RPL3: variants seen among roughly 807,000 people sequenced by gnomAD.
RPL3 encodes the protein large ribosomal subunit protein uL3.
A neutral mutation model predicts 46.0 loss-of-function variants in RPL3; 3 were observed. That is an observed-to-expected ratio of 0.07 (90% CI 0.03 to 0.17). RPL3 has a LOEUF of 0.17. RPL3 is among the 10% of genes least tolerant of loss of function. The pLI is 1.00. For missense variants in RPL3, 387 were observed against 532.7 expected (o/e 0.73, Z 2.69); for synonymous variants, 224 against 190.8 (o/e 1.17, Z -1.43).
chr22:39,314,276 G>A (rs1383606751), intron 6 of RPL3, 68 bp from the exon 7 acceptor site: 1 of 1,344,808 alleles, frequency 7.4e-7, no homozygotes, highest in East Asian at 2.3e-5. Flanking sequence ...CCAGTGTGCT[G>A]ACCTGCAAAG....
chr22:39,315,238 A>G (rs1922609143), intron 5 of RPL3, 131 bp downstream of exon 5: 1 of 1,279,470 alleles, frequency 7.8e-7, no homozygotes, highest in African/African-American at 1.5e-5. Flanking sequence ...AAGGCAGTAG[A>G]GAATGGTTCT....
intron 2 of RPL3, chr22:39,318,035 A>T: frequency 2.9e-6 from 1 of 349,692 alleles, no homozygotes. Flanking sequence ...ACACACAGGT[A>T]AGTGGCCATT....
At position 39,319,591 on chromosome 22, in the gene RPL3, A is replaced by G. The variant is rs776137188; in HGVS notation, c.3+4T>C. ...AATGAAACGGCCGCCATTACAACAC[A>G]TACCATCACGCCATCAAATCCCGCC... On this transcript the variant is annotated splice_donor_region_variant and intron_variant, in intron 1 of 9. Coordinates refer to ENST00000216146, the MANE Select transcript of RPL3 (RefSeq NM_000967.4). 6.4e-6 allele frequency: 10 copies of G among 1,563,000 alleles called. No homozygotes were observed. In the East Asian group the frequency reaches 1.9e-4, roughly 30 times the overall value.
At position 39,318,427 on chromosome 22, in the gene RPL3, C is replaced by T. The variant is rs927094974; in HGVS notation, c.169G>A (p.Val57Met). Residue 57 changes from valine to methionine, a missense_variant, in exon 2 of 10, where the codon GTG becomes ATG. By Grantham distance (21) the Val-to-Met change is conservative. Transcript: ENST00000216146. ...LGYKAGMTHI[V>M]REVDRPGSKV... ...GATCCCGGCCTGTCGACTTCCCGCA[C>T]GATGTGAGTCATGCCAGCCTTGTAT... is the stretch of plus-strand genomic sequence containing the variant. 6.2e-7 allele frequency: 1 copy of T among 1,613,886 alleles called. No homozygotes were observed. The highest frequency in any genetic ancestry group is 8.5e-7 in the Non-Finnish European group (1 of 1,179,960).
Position 39,317,643 on chromosome 22 carries a change from G to A in RPL3, c.197-14C>T. ...TCTTGTTCACCTCTGCAAAAAAAAA[G>A]CAGTAGTCAGACTTGGCAGGAGCCC... On this transcript the variant is annotated splice_polypyrimidine_tract_variant and intron_variant, in intron 2 of 9. Transcript: ENST00000216146. The A allele has an allele frequency of 5.0e-6, 8 of 1,610,688 alleles. No individual in the cohort carries two copies. Among genetic ancestry groups the A allele is most frequent in the African/African-American group, 1.3e-5 (1 of 74,916 alleles).
rs774765796 is a variant in RPL3 at position 39,317,487 on chromosome 22, T to G, written c.339A>C (p.Glu113Asp). ...KTVFAEHISD[E>D]CKRRFYKNWH... ...AATTCTTATAGAAACGCCTCTTGCA[T>G]TCATCACTGATGTGCTCAGCAAAGA... The change falls in exon 3 of 10, where the codon GAA (glutamate) becomes GAC (aspartate). Residue 113 changes from glutamate (E) to aspartate (D), a missense_variant. Physicochemically the swap from Glu to Asp is conservative, Grantham distance 45. This residue lies in a region of RPL3 where 196 missense variants were observed against 217.5 expected (regional missense o/e 0.90). Coordinates refer to ENST00000216146, the MANE Select transcript of RPL3 (RefSeq NM_000967.4). 1 of 1,613,972 alleles carries G rather than the reference T, an allele frequency of 6.2e-7. No individual in the cohort carries two copies. The highest frequency in any genetic ancestry group is 8.5e-7 in the Non-Finnish European group (1 of 1,179,846).
chr22:39,313,420 C>T, intron 8 of RPL3, 110 bp from the exon 9 acceptor site: 2 of 1,522,014 alleles, frequency 1.3e-6, no homozygotes, highest in Non-Finnish European at 1.8e-6. Flanking sequence ...TCAGCCTCCC[C>T]CACCATCCGG....
intron 5 of RPL3, chr22:39,315,164 A>T (rs1178962733): frequency 2.3e-6 from 2 of 852,068 alleles, no homozygotes; most frequent in Non-Finnish European, 4.0e-6. Context: ...GAACGTGTTA[A>T]GAAGTTGTCC....
chr22:39,313,810 G>A (rs1217767818), intron 7 of RPL3, 81 bp from the exon 8 acceptor site: 7 of 1,264,068 alleles, frequency 5.5e-6, no homozygotes, highest in South Asian at 1.2e-5. Flanking sequence ...GGCCCTCCCT[G>A]ACCACAGGGC....
At chr22:39,317,685 G>A in intron 2 of RPL3, 56 bp from the exon 3 acceptor site, 8 of 1,589,624 alleles carry the variant, frequency 5.0e-6, no homozygotes, top group East Asian at 2.3e-5. Flanking sequence ...GGGGTGTAAT[G>A]TTTTCTAGGA....
At chr22:39,315,118 C>G in intron 5 of RPL3, 1 of 770,432 alleles carries the variant, frequency 1.3e-6, no homozygotes, top group Non-Finnish European at 2.3e-6. Flanking sequence ...CTCCCCTTTG[C>G]AGTTATCAGT....
In RPL3 at chr22:39,315,357, C is replaced by A. The variant is rs370173039; in HGVS notation, c.688+12G>T. ...AGGTTTGCACAGCAACTCAAGCCAC[C>A]GCAAAGCTCACCTTTGTAGCCTTTG... On this transcript the variant is annotated intron_variant, in intron 5 of 9. Transcript: ENST00000216146. 1 of 1,614,064 alleles carries A rather than the reference C, an allele frequency of 6.2e-7. No individual in the cohort carries two copies. The highest frequency in any genetic ancestry group is 8.5e-7 in the Non-Finnish European group (1 of 1,180,032).
At chr22:39,317,702 A>G (rs1033854398) in intron 2 of RPL3, 73 bp from the exon 3 acceptor site, 20 of 1,570,246 alleles carry the variant, frequency 1.3e-5, no homozygotes, top group Non-Finnish European at 1.5e-5. Context: ...AGGAAAATGC[A>G]AAGTGCCCAT....
In RPL3 at chr22:39,317,522, A is replaced by G. The variant is rs762747907; in HGVS notation, c.304T>C (p.Phe102Leu). 2.5e-6 allele frequency: 4 copies of G among 1,613,884 alleles called. No individual in the cohort carries two copies. Among genetic ancestry groups the G allele is most frequent in the Non-Finnish European group, 3.4e-6 (4 of 1,179,880 alleles). ...YVETPRGLRT[F>L]KTVFAEHISD... ...ATGTGCTCAGCAAAGACAGTCTTGA[A>G]GGTCCGGAGGCCTCGAGGGGTTTCC... is the stretch of plus-strand genomic sequence containing the variant. Residue 102 changes from phenylalanine (F) to leucine (L), a missense_variant, in exon 3 of 10, where the codon TTC becomes CTC. Physicochemically the swap from Phe to Leu is conservative, Grantham distance 22 (BLOSUM62 0). Transcript: ENST00000216146.
chr22:39,313,570 C>A lies in RPL3; in HGVS notation c.1047+64G>T. 3 of 1,493,710 alleles carry A rather than the reference C, an allele frequency of 2.0e-6. No individual in the cohort carries two copies. The South Asian group carries it at 3.5e-5, about 17-fold the overall frequency. 92.5% of individuals were successfully genotyped at this position (1,493,710 alleles called of 1,614,324 possible). On this transcript the variant is annotated intron_variant, in intron 8 of 9. Coordinates refer to ENST00000216146, the MANE Select transcript of RPL3 (RefSeq NM_000967.4). Reference sequence around the variant, plus strand: ...TCCTCTCCCACCACAGGGCCACCAGCGTCTGTGGCCTTGGATCCTCCCTCT... The same window carrying A: ...TCCTCTCCCACCACAGGGCCACCAGAGTCTGTGGCCTTGGATCCTCCCTCT...
Position 39,315,617 on chromosome 22 carries a change from T to A in RPL3, c.502-62A>T. On this transcript the variant is annotated intron_variant, in intron 4 of 9. Coordinates refer to ENST00000216146, the MANE Select transcript of RPL3 (RefSeq NM_000967.4). ...AGCGCTCCTCCCACAGCAGAGGAAC[T>A]GCAGCTCCATGCGGCCTGATTGATG... The A allele has an allele frequency of 5.7e-6, 9 of 1,581,350 alleles. No homozygotes were observed. The South Asian group carries it at 8.9e-5, about 16-fold the overall frequency.
intron 1 of RPL3, 158 bp from the exon 2 acceptor site, chr22:39,318,750 A>C: frequency 1.6e-6 from 1 of 638,932 alleles, no homozygotes; most frequent in South Asian, 2.0e-5. Flanking sequence ...CCAGGCTCGC[A>C]CGTGTCAAGA....
rs150700689 is a variant in RPL3, at chr22:39,318,435, G to C, written c.161C>G (p.Thr54Ser). 65 of 1,613,938 alleles carry C rather than the reference G, an allele frequency of 4.0e-5. No individual in the cohort carries two copies. Among genetic ancestry groups the C allele is most frequent in the Non-Finnish European group, 5.0e-5 (59 of 1,179,992 alleles). Residue 54 changes from threonine to serine, a missense_variant, in exon 2 of 10, where the codon ACT becomes AGT. Coordinates refer to ENST00000216146, the MANE Select transcript of RPL3 (RefSeq NM_000967.4). The stretch of plus-strand genomic sequence containing the variant: ...CCTGTCGACTTCCCGCACGATGTGA[G>C]TCATGCCAGCCTTGTATCCCAGGAA... The part of the protein sequence containing the change: ...TAFLGYKAGM[T>S]HIVREVDRPG...
chr22:39,319,065 C>A (rs776155652), intron 1 of RPL3: 1 of 537,598 alleles, frequency 1.9e-6, no homozygotes, highest in Non-Finnish European at 3.8e-6. Context: ...CAGAACGTGA[C>A]AATCAGCACA....
Sources: gnomAD v4.1 joint callset for allele counts on GRCh38, gnomAD v4.1.1 for gene constraint, gnomAD v4.1.1 regional missense constraint, MANE v1.5 for transcripts, NCBI Gene and HGNC (gene_info 2026-07-23, HGNC 2026-07-21) for gene names.